ZNF423: variants seen among roughly 807,000 people sequenced by gnomAD.
The protein encoded by ZNF423 is Ebf-associated zinc finger protein.
In ZNF423, 12 loss-of-function variants were observed where a neutral mutation model predicts 95.8. The ratio of observed to expected loss-of-function variants is 0.13; its 90% CI spans 0.08 to 0.20. The LOEUF is 0.20. Among genes scored for constraint, ZNF423 ranks in the 10% least tolerant of loss-of-function variants. The probability of loss-of-function intolerance (pLI) is 1.00; values close to 1 mark genes in which losing one functional copy is unlikely to be tolerated. For synonymous variants in ZNF423, 749 were observed against 711.9 expected (o/e 1.05, Z -0.83); for missense variants, 1,316 against 1,737.1 (o/e 0.76, Z 4.31).
chr16:49,753,437 A>AG (rs1292559346), intron 2 of ZNF423, among the ~76,000 whole-genome samples: 1 of 107,474 alleles, frequency 9.3e-6, no homozygotes, highest in Non-Finnish European at 1.9e-5. Context: ...CCCTGTCTAC[A>AG]GAAAAAAAAA....
At chr16:49,544,660 G>A (rs1401248371) in intron 5 of ZNF423, among the ~76,000 whole-genome samples, 1 of 152,242 alleles carries the variant, frequency 6.6e-6, no homozygotes, top group Non-Finnish European at 1.5e-5. Flanking sequence ...AGATGTGGAG[G>A]CAGAGAGGGC....
intron 5 of ZNF423, among the ~76,000 whole-genome samples, chr16:49,602,259 C>A (rs936504531): frequency 6.6e-6 from 1 of 152,228 alleles, no homozygotes; most frequent in Non-Finnish European, 1.5e-5. Context: ...TTCTGACAAC[C>A]AGTCCTCCCC....
chr16:49,663,940 TCATTCCACTCTGAGCAAA>T (rs1478138043), intron 3 of ZNF423, among the ~76,000 whole-genome samples: 3 of 152,214 alleles, frequency 2.0e-5, no homozygotes, highest in African/African-American at 7.2e-5. Flanking sequence ...CTTCTGGATT[TCATTCCACTCTGAGCAAA>T]CATTCCACTC....
intron 2 of ZNF423, among the ~76,000 whole-genome samples, chr16:49,774,058 C>T (rs1006433183): frequency 2.0e-5 from 3 of 152,224 alleles, no homozygotes; most frequent in Non-Finnish European, 2.9e-5. Flanking sequence ...CCACACTGTG[C>T]AGCTATGGCC....
At chr16:49,852,321 G>A (rs536549863) in intron 1 of ZNF423, among the ~76,000 whole-genome samples, 5 of 152,264 alleles carry the variant, frequency 3.3e-5, no homozygotes, top group African/African-American at 7.2e-5. Flanking sequence ...GCTAGAGAGA[G>A]AAAATTGACA....
intron 5 of ZNF423, among the ~76,000 whole-genome samples, chr16:49,554,188 C>T (rs1443633117): frequency 6.6e-6 from 1 of 152,230 alleles, no homozygotes; most frequent in Non-Finnish European, 1.5e-5. Context: ...GAGGCCACAG[C>T]TCCAACTCCA....
intron 3 of ZNF423, among the ~76,000 whole-genome samples, chr16:49,684,872 G>A (rs1475839529): frequency 6.6e-6 from 1 of 152,186 alleles, no homozygotes; most frequent in Non-Finnish European, 1.5e-5. Flanking sequence ...TGGAGTGTGT[G>A]AGGGCTGGAG....
At chr16:49,747,653 A>AT (rs200164220) in intron 2 of ZNF423, among the ~76,000 whole-genome samples, 1 of 75,220 alleles carries the variant, frequency 1.3e-5, no homozygotes, top group African/African-American at 7.2e-5. Flanking sequence ...GAGATATTTC[A>AT]TTTAAAAAAA....
intron 3 of ZNF423, among the ~76,000 whole-genome samples, chr16:49,686,589 A>T (rs867239585): frequency 6.6e-6 from 1 of 151,860 alleles, no homozygotes; most frequent in African/African-American, 2.4e-5. Context: ...TGCCAGACCC[A>T]CCACACTTGA....
chr16:49,772,554 G>A (rs1053983102), intron 2 of ZNF423, among the ~76,000 whole-genome samples: 11 of 152,212 alleles, frequency 7.2e-5, no homozygotes, highest in African/African-American at 1.2e-4. Flanking sequence ...CCAGCTTCGG[G>A]GGCAAGGGAG....
chr16:49,715,080 T>C, intron 3 of ZNF423, among the ~76,000 whole-genome samples: 1 of 152,160 alleles, frequency 6.6e-6, no homozygotes. Context: ...TGAGTAAGTA[T>C]TCCCTGAGCA....
At chr16:49,747,310 A>C (rs2033545504) in intron 2 of ZNF423, among the ~76,000 whole-genome samples, 1 of 129,604 alleles carries the variant, frequency 7.7e-6, no homozygotes, top group Non-Finnish European at 1.6e-5. Flanking sequence ...TTCCAAACAT[A>C]ATGTTGAGAG....
chr16:49,632,103 T>G (rs931769061), intron 4 of ZNF423, among the ~76,000 whole-genome samples: 1 of 152,146 alleles, frequency 6.6e-6, no homozygotes, highest in Non-Finnish European at 1.5e-5. Flanking sequence ...AAAGGCACCG[T>G]GGGGATCTGC....
At chr16:49,673,223 C>G (rs2030895124) in intron 3 of ZNF423, among the ~76,000 whole-genome samples, 1 of 152,200 alleles carries the variant, frequency 6.6e-6, no homozygotes, top group Non-Finnish European at 1.5e-5. Context: ...AGCAGGACTC[C>G]CAGATGCCTT....
intron 3 of ZNF423, among the ~76,000 whole-genome samples, chr16:49,666,676 TCCTG>T (rs1214651064): frequency 6.6e-6 from 1 of 152,124 alleles, no homozygotes; most frequent in Non-Finnish European, 1.5e-5. Context: ...CTCCTCAAGC[TCCTG>T]CCTAACAGCT....
At chr16:49,854,093 T>TC (rs2035330422) in intron 1 of ZNF423, 1 of 985,192 alleles carries the variant, frequency 1.0e-6, no homozygotes. Context: ...CACCCTTCTT[T>TC]CCCGTCCTCT....
At chr16:49,531,155 C>T (rs1968829062) in intron 5 of ZNF423, among the ~76,000 whole-genome samples, 1 of 152,116 alleles carries the variant, frequency 6.6e-6, no homozygotes, top group Non-Finnish European at 1.5e-5. Context: ...AAGAGTGTGT[C>T]TGCAGGTGGA....
intron 7 of ZNF423, among the ~76,000 whole-genome samples, chr16:49,493,087 G>A (rs1469085659): frequency 1.3e-5 from 2 of 152,114 alleles, no homozygotes; most frequent in Non-Finnish European, 2.9e-5. Context: ...GGATGCAGGC[G>A]GTTTCCATGG....
intron 3 of ZNF423, among the ~76,000 whole-genome samples, chr16:49,653,311 CAAAAAAAAA>C (rs5816652): frequency 1.0e-5 from 1 of 99,200 alleles, no homozygotes; most frequent in Non-Finnish European, 1.9e-5. Context: ...CAAGAACCAC[CAAAAAAAAA>C]AAAAAAAAAA....
Sources: gnomAD v4.1 joint callset for allele counts (sites outside exome capture counted in the v4.1 genomes callset) on GRCh38, gnomAD v4.1.1 for gene constraint, MANE v1.5 for transcripts, NCBI Gene and HGNC (gene_info 2026-07-23, HGNC 2026-07-21) for gene names.